MAGI3: variants seen among roughly 807,000 people sequenced by gnomAD.
MAGI3 encodes membrane-associated guanylate kinase, WW and PDZ domain-containing protein 3.
MAGI3 carries 43 observed loss-of-function variants against 121.8 expected under a neutral mutation model. The observed-to-expected ratio is 0.35, with a 90% CI of 0.28 to 0.46. The LOEUF (loss-of-function observed/expected upper bound fraction) is 0.46. MAGI3 is among the 20% of genes least tolerant of loss of function. The pLI, the probability that MAGI3 is intolerant of heterozygous loss-of-function variation, is 1.00. For missense variants in MAGI3, 1,547 were observed against 1,797.3 expected (o/e 0.86, Z 2.52); for synonymous variants, 553 against 639.3 (o/e 0.86, Z 2.04).
chr1:113,643,722 T>G lies in MAGI3; in HGVS notation c.1967-21T>G, dbSNP rs201941211. 27 of 1,612,956 alleles carry G rather than the reference T, an allele frequency of 1.7e-5. No individual in the cohort carries two copies. In the Admixed American group the frequency reaches 3.8e-4, roughly 23 times the overall value. On this transcript the variant is annotated intron_variant, in intron 10 of 20. Coordinates refer to ENST00000307546, the MANE Select transcript of MAGI3 (RefSeq NM_001142782.2). ...GGAATGCATCCTCTGGTTTTAAACTTTGGTTCATTTTTTTTTTAAGGTCCT... is the reference window on the plus strand; with the variant it reads ...GGAATGCATCCTCTGGTTTTAAACTGTGGTTCATTTTTTTTTTAAGGTCCT...
chr1:113,536,609 T>C (rs1015332147), intron 1 of MAGI3, among the ~76,000 whole-genome samples: 6 of 151,860 alleles, frequency 4.0e-5, no homozygotes, highest in Non-Finnish European at 5.9e-5. Context: ...CTAAATCTTC[T>C]TACTTTGCTT....
At chr1:113,562,264 A>C (rs1396625934) in intron 2 of MAGI3, among the ~76,000 whole-genome samples, 1 of 152,164 alleles carries the variant, frequency 6.6e-6, no homozygotes, top group Non-Finnish European at 1.5e-5. Context: ...TTAGCCAGGC[A>C]TGGTGGCGGG....
chr1:113,530,336 A>T (rs1658647687), intron 1 of MAGI3, among the ~76,000 whole-genome samples: 3 of 151,794 alleles, frequency 2.0e-5, no homozygotes. Context: ...AAAAAAAAAA[A>T]AGACAACTTA....
chr1:113,563,928 C>A (rs1384528377), intron 2 of MAGI3, among the ~76,000 whole-genome samples: 1 of 152,198 alleles, frequency 6.6e-6, no homozygotes, highest in African/African-American at 2.4e-5. Context: ...TCAATGAGGT[C>A]TAAATCCCAG....
intron 2 of MAGI3, among the ~76,000 whole-genome samples, chr1:113,556,299 A>T (rs541439210): frequency 9.9e-5 from 15 of 152,140 alleles, no homozygotes; most frequent in Non-Finnish European, 2.1e-4. Flanking sequence ...AAAGTGATAA[A>T]CCTCTAGCTA....
intron 1 of MAGI3, among the ~76,000 whole-genome samples, chr1:113,515,445 A>G (rs1657847425): frequency 6.6e-6 from 1 of 152,096 alleles, no homozygotes. Flanking sequence ...AAAACGTTAA[A>G]GTTTTTTTAT....
At chr1:113,609,090 A>G (rs979716363) in intron 6 of MAGI3, among the ~76,000 whole-genome samples, 8 of 152,136 alleles carry the variant, frequency 5.3e-5, no homozygotes, top group Admixed American at 2.0e-4. Context: ...GGAGCCTACA[A>G]TTTAGAACAT....
chr1:113,622,926 A>T lies in MAGI3; in HGVS notation c.1292A>T (p.Asp431Val). The T allele has an allele frequency of 1.9e-6, 3 of 1,594,120 alleles. No homozygotes were observed. The highest frequency in any genetic ancestry group is 2.6e-6 in the Non-Finnish European group (3 of 1,173,400). The stretch of plus-strand genomic sequence containing the variant: ...ACTATTATTGGTGGAGATAGACCTG[A>T]TGAGTTCCTACAAGTGAAAAATGTG... ...GFTIIGGDRP[D>V]EFLQVKNVLK... Residue 431 changes from aspartate to valine, a missense_variant, in exon 9 of 21, where the codon GAT becomes GTT. Transcript: ENST00000307546.
chr1:113,449,359 T>TGG (rs1440374755), intron 1 of MAGI3, among the ~76,000 whole-genome samples: 2 of 33,742 alleles, frequency 5.9e-5, no homozygotes, highest in African/African-American at 1.0e-4. Context: ...ATTACTTTTA[T>TGG]GGTGTGTGTG....
chr1:113,587,742 C>T (rs1279260732), intron 4 of MAGI3, among the ~76,000 whole-genome samples: 1 of 152,090 alleles, frequency 6.6e-6, no homozygotes, highest in Non-Finnish European at 1.5e-5. Flanking sequence ...GGCTATTAAG[C>T]AAACTCCTTT....
chr1:113,635,229 G>T (rs566335606), intron 9 of MAGI3, among the ~76,000 whole-genome samples: 1 of 152,212 alleles, frequency 6.6e-6, no homozygotes, highest in South Asian at 2.1e-4. Flanking sequence ...TCCTTCTCCT[G>T]CCTAACTGCC....
chr1:113,675,322 C>A (rs1339778948), intron 19 of MAGI3, among the ~76,000 whole-genome samples: 5 of 152,080 alleles, frequency 3.3e-5, no homozygotes, highest in Non-Finnish European at 5.9e-5. Flanking sequence ...AAGGACCAGA[C>A]TAGATGAACA....
intron 1 of MAGI3, among the ~76,000 whole-genome samples, chr1:113,424,949 C>T (rs959510172): frequency 6.6e-6 from 1 of 151,974 alleles, no homozygotes; most frequent in Non-Finnish European, 1.5e-5. Flanking sequence ...GCCTGACCAA[C>T]ATGGTGAAAC....
intron 1 of MAGI3, among the ~76,000 whole-genome samples, chr1:113,537,361 G>A (rs748376692): frequency 4.6e-5 from 7 of 152,172 alleles, no homozygotes; most frequent in African/African-American, 1.7e-4. Flanking sequence ...AAGGTACTCT[G>A]CCACAGCTCA....
intron 16 of MAGI3, among the ~76,000 whole-genome samples, chr1:113,660,746 C>G (rs1653742171): frequency 1.3e-5 from 2 of 149,248 alleles, no homozygotes. Context: ...TCCTGAGTAG[C>G]TAGGACTACA....
intron 1 of MAGI3, among the ~76,000 whole-genome samples, chr1:113,477,088 C>A (rs1337541376): frequency 6.6e-6 from 1 of 151,150 alleles, no homozygotes; most frequent in Non-Finnish European, 1.5e-5. Flanking sequence ...GATAGATCTT[C>A]CTCCATCCCT....
chr1:113,399,139 G>A (rs1330783329), intron 1 of MAGI3, among the ~76,000 whole-genome samples: 1 of 152,100 alleles, frequency 6.6e-6, no homozygotes, highest in Non-Finnish European at 1.5e-5. Context: ...GACTGTCAGT[G>A]TAGCGGTGAA....
chr1:113,605,494 A>G (rs2101760530), intron 6 of MAGI3, among the ~76,000 whole-genome samples: 1 of 152,284 alleles, frequency 6.6e-6, no homozygotes, highest in East Asian at 1.9e-4. Flanking sequence ...AAGTGGGGTA[A>G]AGTGAGATAA....
Position 113,486,686 on chromosome 1 carries a change from A to G in MAGI3, c.317-62829A>G, listed in dbSNP as rs1458454763. On this transcript the variant is annotated intron_variant, in intron 1 of 20. Coordinates refer to ENST00000307546, the MANE Select transcript of MAGI3 (RefSeq NM_001142782.2). Reference sequence around the variant, plus strand: ...TTTTTTTTTGAGACAGGGCCTTGCGATTTCACCCAATCTAGAGTGCAATGG... The same window carrying G: ...TTTTTTTTTGAGACAGGGCCTTGCGGTTTCACCCAATCTAGAGTGCAATGG... Among the ~76,000 whole-genome samples the G allele has an allele frequency of 5.2e-5, 7 of 133,576 alleles. No individual in the cohort carries two copies. The Admixed American group carries it at 5.8e-4, about 11-fold the overall frequency. 87.6% of individuals were successfully genotyped at this position (133,576 alleles called of 152,430 possible). A position where few individuals can be genotyped will look rare whatever the true frequency, so the allele number is the denominator to read the frequency against.
Sources: allele counts gnomAD v4.1 joint callset (sites outside exome capture counted in the v4.1 genomes callset), GRCh38; gene constraint gnomAD v4.1.1; transcripts MANE v1.5; gene names NCBI Gene and HGNC (gene_info 2026-07-23, HGNC 2026-07-21).